The following SLC39A11 variants were observed in gnomAD, a reference collection of about 807,000 sequenced individuals.
The protein encoded by SLC39A11 is zinc transporter ZIP11.
A neutral mutation model predicts 36.1 loss-of-function variants in SLC39A11; 33 were observed. The ratio of observed to expected loss-of-function variants is 0.91; its 90% CI spans 0.69 to 1.22. SLC39A11 has a LOEUF of 1.22. Among genes scored for constraint, SLC39A11 ranks in the 50% most tolerant of loss-of-function variants. SLC39A11 has a pLI of 0.00. For synonymous variants in SLC39A11, 166 were observed against 170.3 expected (o/e 0.97, Z 0.20); for missense variants, 432 against 430.3 (o/e 1.00, Z -0.03).
chr17:73,002,972 G>A (rs2089904528), intron 4 of SLC39A11, among the ~76,000 whole-genome samples: 1 of 152,100 alleles, frequency 6.6e-6, no homozygotes, highest in African/African-American at 2.4e-5. Context: ...GCCCACCCTG[G>A]AGACAATCCA....
chr17:72,977,900 C>A (rs987060176), intron 4 of SLC39A11, among the ~76,000 whole-genome samples: 1 of 152,194 alleles, frequency 6.6e-6, no homozygotes, highest in African/African-American at 2.4e-5. Context: ...CCCAGGAGAC[C>A]GACTGCATCG....
intron 5 of SLC39A11, among the ~76,000 whole-genome samples, chr17:72,902,470 C>T (rs9894556): frequency 0.033 from 5,080 of 152,218 alleles, 292 homozygotes; most frequent in African/African-American, 0.12. Flanking sequence ...GCCCTACTGA[C>T]GCCATGATTT....
At chr17:73,018,520 C>T (rs1176685874) in intron 4 of SLC39A11, among the ~76,000 whole-genome samples, 1 of 151,970 alleles carries the variant, frequency 6.6e-6, no homozygotes, top group African/African-American at 2.4e-5. Context: ...TGCACTCCAG[C>T]CTGGGAAACA....
At chr17:72,797,972 A>G (rs77658872) in intron 6 of SLC39A11, among the ~76,000 whole-genome samples, 10,421 of 152,032 alleles carry the variant, frequency 0.069, 403 homozygotes, top group African/African-American at 0.086. Context: ...TCTCTCATGC[A>G]CTCATGGGAG....
chr17:73,047,966 CAAAAAAAA>C (rs1165334910), intron 3 of SLC39A11, among the ~76,000 whole-genome samples: 2 of 20,494 alleles, frequency 9.8e-5, no homozygotes, highest in African/African-American at 3.7e-4. Context: ...GACTCCATCT[CAAAAAAAA>C]AAAAAAAAAA....
intron 5 of SLC39A11, among the ~76,000 whole-genome samples, chr17:72,860,462 G>T (rs1214779398): frequency 6.6e-6 from 1 of 152,230 alleles, no homozygotes; most frequent in African/African-American, 2.4e-5. Flanking sequence ...CAGTTTATGA[G>T]TCTGTCATTT....
intron 7 of SLC39A11, among the ~76,000 whole-genome samples, chr17:72,667,256 G>A (rs371159878): frequency 7.2e-5 from 11 of 152,226 alleles, no homozygotes; most frequent in Non-Finnish European, 1.5e-4. Flanking sequence ...CGGCATCTCC[G>A]TATGACTCAG....
At chr17:72,896,690 T>G (rs1342039688) in intron 5 of SLC39A11, among the ~76,000 whole-genome samples, 1 of 151,976 alleles carries the variant, frequency 6.6e-6, no homozygotes, top group African/African-American at 2.4e-5. Flanking sequence ...GAAACACAGA[T>G]GAGAAAATGC....
rs138417815 is a variant in SLC39A11 at position 72,853,780 on chromosome 17, G to A, written c.431-3976C>T. Among the ~76,000 whole-genome samples, 515 of 152,232 alleles carry A rather than the reference G, an allele frequency of 3.4e-3. 2 individuals carry two copies. Among genetic ancestry groups the A allele is most frequent in the Non-Finnish European group, 5.5e-3 (373 of 68,030 alleles). On this transcript the variant is annotated intron_variant, in intron 5 of 9. Coordinates refer to ENST00000255559, the MANE Select transcript of SLC39A11 (RefSeq NM_139177.4). Reference sequence around the variant, plus strand: ...AATAAATCATTACAGAGTATGATGCGTCGTGAGCAATGAATCTTCTTGCCG... The same window carrying A: ...AATAAATCATTACAGAGTATGATGCATCGTGAGCAATGAATCTTCTTGCCG...
At chr17:72,928,400 G>A (rs1185750410) in intron 5 of SLC39A11, among the ~76,000 whole-genome samples, 6 of 152,180 alleles carry the variant, frequency 3.9e-5, no homozygotes, top group African/African-American at 1.4e-4. Context: ...TATCCCACCT[G>A]CCAGCAAACA....
At chr17:73,072,278 A>C (rs2060185282) in intron 3 of SLC39A11, 1 of 152,490 alleles carries the variant, frequency 6.6e-6, no homozygotes, top group Non-Finnish European at 1.5e-5. Context: ...GAAGGGTAGG[A>C]GGGGAGGCAG....
At chr17:72,782,965 G>C (rs1221297609) in intron 6 of SLC39A11, among the ~76,000 whole-genome samples, 1 of 130,686 alleles carries the variant, frequency 7.7e-6, no homozygotes, top group Non-Finnish European at 1.6e-5. Context: ...TCATGCCACT[G>C]CACTCCAGCC....
At chr17:72,925,001 C>CA (rs933053304) in intron 5 of SLC39A11, among the ~76,000 whole-genome samples, 13,817 of 68,358 alleles carry the variant, frequency 0.2, 1,524 homozygotes, top group African/African-American at 0.36. Context: ...GACTCCATTT[C>CA]AAAAAAAAAA....
At chr17:72,992,908 G>C (rs1240895701) in intron 4 of SLC39A11, 3 of 152,238 alleles carry the variant, frequency 2.0e-5, no homozygotes, top group Admixed American at 6.5e-5. Flanking sequence ...CATGGCTGGG[G>C]AGGCCTCACA....
chr17:72,682,790 G>C (rs1246228217), intron 7 of SLC39A11, among the ~76,000 whole-genome samples: 1 of 152,226 alleles, frequency 6.6e-6, no homozygotes, highest in East Asian at 1.9e-4. Flanking sequence ...TTCACGTGGA[G>C]ACTCTACTAT....
intron 6 of SLC39A11, among the ~76,000 whole-genome samples, chr17:72,747,393 C>G (rs368978046): frequency 6.6e-6 from 1 of 152,184 alleles, no homozygotes; most frequent in East Asian, 1.9e-4. Context: ...CTCAGGTGAT[C>G]TGCCCACCTC....
chr17:73,085,731 G>A (rs141811790), intron 2 of SLC39A11, among the ~76,000 whole-genome samples: 4 of 151,658 alleles, frequency 2.6e-5, no homozygotes, highest in African/African-American at 7.3e-5. Flanking sequence ...CCGATGAGAG[G>A]TGAACACTAT....
chr17:72,794,368 A>G (rs1366074197), intron 6 of SLC39A11, among the ~76,000 whole-genome samples: 2 of 152,114 alleles, frequency 1.3e-5, no homozygotes, highest in Admixed American at 1.3e-4. Context: ...GAGGACTCAC[A>G]CTGACTCCAC....
intron 5 of SLC39A11, among the ~76,000 whole-genome samples, chr17:72,888,534 G>C (rs1484094340): frequency 1.3e-5 from 2 of 152,066 alleles, no homozygotes; most frequent in African/African-American, 4.8e-5. Flanking sequence ...ATTTTAGAAG[G>C]CATGATCTTT....
Sources: gnomAD v4.1 joint callset for allele counts (sites outside exome capture counted in the v4.1 genomes callset) on GRCh38, gnomAD v4.1.1 for gene constraint, MANE v1.5 for transcripts, NCBI Gene and HGNC (gene_info 2026-07-23, HGNC 2026-07-21) for gene names.